The following TMEM108 variants were observed in gnomAD, a reference collection of about 807,000 sequenced individuals.
The protein encoded by TMEM108 is cancer/testis antigen 124.
Under a neutral mutation model 35.1 loss-of-function variants are expected in TMEM108, and 12 were observed. The ratio of observed to expected loss-of-function variants is 0.34; its 90% confidence interval spans 0.22 to 0.55. TMEM108 has a LOEUF of 0.55. Among genes scored for constraint, TMEM108 ranks in the 20% least tolerant of loss-of-function variants. The pLI is 0.89. For missense variants in TMEM108, 680 were observed against 753.3 expected, an observed-to-expected ratio of 0.90 and a Z score of 1.14; for synonymous variants, 287 against 308.6, an observed-to-expected ratio of 0.93 and a Z score of 0.73.
chr3:133,133,579 T>C (rs1944521326), intron 2 of TMEM108, among the ~76,000 whole-genome samples: 1 of 152,206 alleles, frequency 6.6e-6, no homozygotes, highest in African/African-American at 2.4e-5. Flanking sequence ...GAAGATCATA[T>C]GCCATTTGTC....
At chr3:133,131,464 A>G (rs753500492) in intron 2 of TMEM108, among the ~76,000 whole-genome samples, 1 of 148,756 alleles carries the variant, frequency 6.7e-6, no homozygotes, top group Non-Finnish European at 1.5e-5. Context: ...AAACTTTTAA[A>G]TTTTATTATA....
chr3:133,060,576 T>C (rs1943523777), intron 2 of TMEM108, among the ~76,000 whole-genome samples: 1 of 152,246 alleles, frequency 6.6e-6, no homozygotes, highest in Non-Finnish European at 1.5e-5. Flanking sequence ...AATGTGATAG[T>C]ATTTCCAGGT....
At position 133,250,647 on chromosome 3, in the gene TMEM108, A is replaced by T. The variant is rs192461855; in HGVS notation, c.40+21296A>T. Among the ~76,000 whole-genome samples the T allele has an allele frequency of 2.8e-3, 425 of 152,330 alleles. 1 individual carries two copies. The highest frequency in any genetic ancestry group is 3.6e-3 in the Non-Finnish European group (243 of 68,018). On this transcript the variant is annotated intron_variant, in intron 3 of 5. Coordinates refer to ENST00000321871, the MANE Select transcript of TMEM108 (RefSeq NM_023943.4). ...ATGTCCACTTGTACAGTTAGCAGCAATAGCCTCAGTAATTTTTCAATAGGA... is the reference window on the plus strand; with the variant it reads ...ATGTCCACTTGTACAGTTAGCAGCATTAGCCTCAGTAATTTTTCAATAGGA...
At chr3:133,287,207 A>T (rs569102703) in intron 3 of TMEM108, among the ~76,000 whole-genome samples, 1 of 152,298 alleles carries the variant, frequency 6.6e-6, no homozygotes, top group South Asian at 2.1e-4. Context: ...TTTAGGGCTA[A>T]TGAGCAGATC....
chr3:133,055,235 CAGA>C (rs1943452648), intron 2 of TMEM108, among the ~76,000 whole-genome samples: 1 of 152,132 alleles, frequency 6.6e-6, no homozygotes, highest in Non-Finnish European at 1.5e-5. Context: ...CACACGTTGC[CAGA>C]AGATTAAAAT....
At chr3:133,279,616 A>G (rs890124017) in intron 3 of TMEM108, among the ~76,000 whole-genome samples, 1 of 152,198 alleles carries the variant, frequency 6.6e-6, no homozygotes, top group African/African-American at 2.4e-5. Context: ...CTTTATCTTC[A>G]TTCCCAGCAG....
At position 133,284,340 on chromosome 3, in the gene TMEM108, A is replaced by G. The variant is rs141957660; in HGVS notation, c.40+54989A>G. On this transcript the variant is annotated intron_variant, in intron 3 of 5. Transcript: ENST00000321871. Reference sequence around the variant, plus strand: ...CTTCACACCCTCTGTTGAAAGTCTCATACTTCCCAGAGTCCTAAGTAATTT... The same window carrying G: ...CTTCACACCCTCTGTTGAAAGTCTCGTACTTCCCAGAGTCCTAAGTAATTT... 5.2e-4 allele frequency among the ~76,000 whole-genome samples: 79 copies of G among 152,258 alleles called. No homozygotes were observed. In the East Asian group the frequency reaches 0.012, roughly 23 times the overall value.
chr3:133,198,852 C>G (rs1945618246), intron 2 of TMEM108, among the ~76,000 whole-genome samples: 1 of 152,078 alleles, frequency 6.6e-6, no homozygotes, highest in African/African-American at 2.4e-5. Flanking sequence ...TGGGGAAGTT[C>G]TCTTCCAGGA....
chr3:133,213,662 G>A (rs1443814954), intron 2 of TMEM108, among the ~76,000 whole-genome samples: 1 of 152,166 alleles, frequency 6.6e-6, no homozygotes, highest in Admixed American at 6.5e-5. Flanking sequence ...AGAAACAAAT[G>A]ATACTAGCTA....
chr3:133,354,464 G>T (rs2072101761), intron 3 of TMEM108, among the ~76,000 whole-genome samples: 1 of 152,214 alleles, frequency 6.6e-6, no homozygotes, highest in Non-Finnish European at 1.5e-5. Context: ...CGGGAGCTTT[G>T]CAGGGAAGCT....
At chr3:133,146,090 C>T (rs147932883) in intron 2 of TMEM108, among the ~76,000 whole-genome samples, 56 of 152,216 alleles carry the variant, frequency 3.7e-4, no homozygotes, top group African/African-American at 1.2e-3. Flanking sequence ...CAGTATGATA[C>T]TGGCTGTGGG....
intron 4 of TMEM108, among the ~76,000 whole-genome samples, chr3:133,383,887 G>C (rs528167720): frequency 6.6e-6 from 1 of 152,312 alleles, no homozygotes; most frequent in African/African-American, 2.4e-5. Flanking sequence ...ACACAAGGAG[G>C]CTCTTGCCTT....
intron 3 of TMEM108, among the ~76,000 whole-genome samples, chr3:133,334,162 A>G (rs180750092): frequency 6.6e-6 from 1 of 152,312 alleles, no homozygotes; most frequent in East Asian, 1.9e-4. Flanking sequence ...TTGTTGAGTT[A>G]GAATCAGACC....
intron 3 of TMEM108, among the ~76,000 whole-genome samples, chr3:133,261,357 C>A (rs1179651670): frequency 1.3e-5 from 2 of 152,166 alleles, no homozygotes; most frequent in African/African-American, 2.4e-5. Context: ...ATCAACAAAG[C>A]AGCCCTTTAA....
intron 2 of TMEM108, among the ~76,000 whole-genome samples, chr3:133,063,858 A>G (rs142714982): frequency 1.3e-5 from 2 of 152,248 alleles, no homozygotes; most frequent in African/African-American, 4.8e-5. Context: ...GAGACCAAGC[A>G]TTCATTACCC....
At chr3:133,219,885 G>T (rs528724010) in intron 2 of TMEM108, among the ~76,000 whole-genome samples, 74 of 152,140 alleles carry the variant, frequency 4.9e-4, no homozygotes, top group African/African-American at 1.7e-3. Context: ...TTAATCTTCT[G>T]TCTGGATATC....
At chr3:133,129,348 ACC>A (rs61441972) in intron 2 of TMEM108, among the ~76,000 whole-genome samples, 30,484 of 101,846 alleles carry the variant, frequency 0.3, 3,941 homozygotes, top group Non-Finnish European at 0.37. Context: ...CCGCACCCAC[ACC>A]CCCCCCCCCA....
chr3:133,340,332 TA>T (rs1286654026), intron 3 of TMEM108, among the ~76,000 whole-genome samples: 1 of 151,734 alleles, frequency 6.6e-6, no homozygotes, highest in Non-Finnish European at 1.5e-5. Context: ...TTGGAAAATC[TA>T]GAAGAAATAG....
rs6783848 is a variant in TMEM108, at chr3:133,349,342, G to A, written c.41-30410G>A. ...TCAAAGCCTCATTAAATAGTAAAGG[G>A]ATTATTTAAAATAGTAGACCAGAAG... On this transcript the variant is annotated intron_variant, in intron 3 of 5. Coordinates refer to ENST00000321871, the MANE Select transcript of TMEM108 (RefSeq NM_023943.4). Among the ~76,000 whole-genome samples the A allele has an allele frequency of 6.3e-3, 954 of 152,104 alleles. 11 individuals are homozygous for A. Among genetic ancestry groups the A allele is most frequent in the African/African-American group, 0.02 (837 of 41,496 alleles).
Sources: gnomAD v4.1 joint callset for allele counts (sites outside exome capture counted in the v4.1 genomes callset) on GRCh38, gnomAD v4.1.1 for gene constraint, MANE v1.5 for transcripts, NCBI Gene and HGNC (gene_info 2026-07-23, HGNC 2026-07-21) for gene names.